The following MMP15 variants were observed in gnomAD, a reference collection of about 807,000 sequenced individuals.
MMP15 encodes matrix metallopeptidase 15.
MMP15 carries 36 observed loss-of-function variants against 65.0 expected under a neutral mutation model. The ratio of observed to expected loss-of-function variants is 0.55; its 90% confidence interval spans 0.42 to 0.73. The LOEUF (loss-of-function observed/expected upper bound fraction) is 0.73, where lower values mean the gene tolerates loss of function less well. Among genes scored for constraint, MMP15 ranks in the 30% least tolerant of loss-of-function variants. MMP15 has a pLI of 0.00. For missense variants in MMP15, 870 were observed against 987.8 expected (o/e 0.88, Z 1.60); for synonymous variants, 428 against 410.2 (o/e 1.04, Z -0.52).
rs760410670 is a variant in MMP15 at position 58,038,326 on chromosome 16, C to T, written c.372C>T (p.Asn124=). 5 of 1,614,090 alleles carry T rather than the reference C, an allele frequency of 3.1e-6. No individual in the cohort carries two copies. Among genetic ancestry groups the T allele is most frequent in the Admixed American group, 3.3e-5 (2 of 60,024 alleles). The part of the protein sequence containing the change: ...PDQFGVRVKA[N]LRRRRKRYAL... ...AGTTCGGGGTACGAGTGAAAGCCAACCTGCGGCGGCGTCGGAAGCGCTACG... is the reference window on the plus strand; with the variant it reads ...AGTTCGGGGTACGAGTGAAAGCCAATCTGCGGCGGCGTCGGAAGCGCTACG... Residue 124 remains asparagine (N), a synonymous_variant, in exon 3 of 10, where the codon AAC becomes AAT. Transcript: ENST00000219271.
chr16:58,044,325 T>C (rs1959511885), intron 9 of MMP15, among the ~76,000 whole-genome samples: 1 of 152,198 alleles, frequency 6.6e-6, no homozygotes, highest in Non-Finnish European at 1.5e-5. Flanking sequence ...CTTGCACCTA[T>C]AGTCCCAGTT....
At position 58,045,196 on chromosome 16, in the gene MMP15, C is replaced by A; in HGVS notation, c.1760C>A (p.Ala587Glu). 4.4e-6 allele frequency: 7 copies of A among 1,592,724 alleles called. No individual in the cohort carries two copies. Among genetic ancestry groups the A allele is most frequent in the Non-Finnish European group, 5.1e-6 (6 of 1,170,452 alleles). Residue 587 changes from alanine (A) to glutamate (E), a missense_variant, in exon 10 of 10, where the codon GCG becomes GAG. Coordinates refer to ENST00000219271, the MANE Select transcript of MMP15 (RefSeq NM_002428.4). ...FNPHGGAEPG[A>E]DSAEGDVGDG... ...CCCCACGGGGGTGCAGAGCCCGGGG[C>A]GGACAGCGCAGAGGGCGACGTGGGG... is the stretch of plus-strand genomic sequence containing the variant.
At chr16:58,044,764 A>G (rs983974730) in intron 9 of MMP15, among the ~76,000 whole-genome samples, 7 of 152,286 alleles carry the variant, frequency 4.6e-5, no homozygotes, top group African/African-American at 1.7e-4. Context: ...GGACCCTTCC[A>G]GGCCCTTCCC....
At chr16:58,042,451 G>A (rs1414424773) in intron 7 of MMP15, 82 bp downstream of exon 7, 9 of 1,556,738 alleles carry the variant, frequency 5.8e-6, no homozygotes, top group African/African-American at 2.7e-5. Flanking sequence ...AAGAGGAGGT[G>A]AAGGGTTGCA....
intron 6 of MMP15, 33 bp downstream of exon 6, chr16:58,041,903 C>A: frequency 1.3e-6 from 2 of 1,540,974 alleles, no homozygotes; most frequent in South Asian, 1.3e-5. Context: ...TGGCCCTGAG[C>A]CTTTTCCCTG....
chr16:58,034,556 C>T lies in MMP15; in HGVS notation c.163-2916C>T, dbSNP rs11864072. The stretch of plus-strand genomic sequence containing the variant: ...TCAGTCACCCTGAGCACACTTTCAC[C>T]GGTCAGGCACGCTCTGCCAGCTTCG... On this transcript the variant is annotated intron_variant, in intron 1 of 9. Transcript: ENST00000219271. 5.3e-3 allele frequency among the ~76,000 whole-genome samples: 812 copies of T among 152,300 alleles called. 11 individuals carry two copies. Among genetic ancestry groups the T allele is most frequent in the African/African-American group, 0.019 (773 of 41,576 alleles).
At chr16:58,040,763 G>T (rs1015763489) in intron 5 of MMP15, 65 bp downstream of exon 5, 1 of 1,604,336 alleles carries the variant, frequency 6.2e-7, no homozygotes, top group African/African-American at 1.3e-5. Context: ...TGAGGAGTAG[G>T]CATTGCTGCC....
Position 58,038,333 on chromosome 16 carries a change from C to G in MMP15, c.379C>G (p.Arg127Gly). Residue 127 changes from arginine to glycine, a missense_variant, in exon 3 of 10, where the codon CGG (arginine) becomes GGG (glycine). Transcript: ENST00000219271. ...GGTACGAGTGAAAGCCAACCTGCGG[C>G]GGCGTCGGAAGCGCTACGCCCTCAC... ...FGVRVKANLR[R>G]RRKRYALTGR... 6.2e-7 allele frequency: 1 copy of G among 1,614,052 alleles called. No individual in the cohort carries two copies. Among genetic ancestry groups the G allele is most frequent in the South Asian group, 1.1e-5 (1 of 91,086 alleles).
chr16:58,039,870 C>G lies in MMP15; in HGVS notation c.441-5C>G, dbSNP rs1959412123. Reference sequence around the variant, plus strand: ...TCCGCTCACTCATCTCCCACCCACCCCCAGCATCCAGAACTACACGGAGAA... The same window carrying G: ...TCCGCTCACTCATCTCCCACCCACCGCCAGCATCCAGAACTACACGGAGAA... On this transcript the variant is annotated splice_polypyrimidine_tract_variant and splice_region_variant and intron_variant, in intron 3 of 9. Transcript: ENST00000219271. 8.2e-6 allele frequency: 13 copies of G among 1,588,372 alleles called. No homozygotes were observed. Among genetic ancestry groups the G allele is most frequent in the South Asian group, 1.1e-5 (1 of 88,594 alleles).
In MMP15 at chr16:58,038,440, C is replaced by T. The variant is rs892961522; in HGVS notation, c.440+46C>T. On this transcript the variant is annotated intron_variant, in intron 3 of 9. Transcript: ENST00000219271. ...GGGAAGCATCTGCCCCTCGGCAGGCCGAGCCTCAGACCTCCTTTCCCAGAG... is the reference window on the plus strand; with the variant it reads ...GGGAAGCATCTGCCCCTCGGCAGGCTGAGCCTCAGACCTCCTTTCCCAGAG... 16 of 1,608,516 alleles carry T rather than the reference C, an allele frequency of 9.9e-6. No individual in the cohort carries two copies. In the Admixed American group the frequency reaches 1.2e-4, roughly 12 times the overall value.
In MMP15 at chr16:58,040,525, T is replaced by C. The variant is rs577203315; in HGVS notation, c.749-12T>C. On this transcript the variant is annotated splice_polypyrimidine_tract_variant and intron_variant, in intron 4 of 9. Transcript: ENST00000219271. ...ACAGCTGACTGTGCTGCCCTCCTTC[T>C]CTCCCCAAAAGGAAACAACCTCTTC... is the stretch of plus-strand genomic sequence containing the variant. The C allele has an allele frequency of 6.2e-7, 1 of 1,610,428 alleles. No homozygotes were observed. Among genetic ancestry groups the C allele is most frequent in the East Asian group, 2.2e-5 (1 of 44,854 alleles).
rs765698866 is a variant in MMP15 at position 58,043,300 on chromosome 16, G to A, written c.1394G>A (p.Arg465His). The A allele has an allele frequency of 6.9e-5, 111 of 1,604,692 alleles. 1 individual carries two copies. The highest frequency in any genetic ancestry group is 1.6e-4 in the South Asian group (14 of 89,650). ...TSYGLGIPYD[R>H]IDTAIWWEPT... ...TATGGCCTGGGCATCCCCTATGACCGCATTGACACGGCCATCTGGTGGGAG... is the reference window on the plus strand; with the variant it reads ...TATGGCCTGGGCATCCCCTATGACCACATTGACACGGCCATCTGGTGGGAG... Residue 465 changes from arginine to histidine, a missense_variant, in exon 8 of 10, where the codon CGC (arginine) becomes CAC (histidine). Arg to His is a conservative substitution (Grantham distance 29). Coordinates refer to ENST00000219271, the MANE Select transcript of MMP15 (RefSeq NM_002428.4).
Position 58,041,868 on chromosome 16 carries a change from A to G in MMP15, c.1162A>G (p.Lys388Glu), listed in dbSNP as rs761839947. ...GCTTCGCGGGGAGATGTTCGTGTTC[A>G]AGGTCTGGCCCCGCCTCCCATGCCT... ...AMLRGEMFVF[K>E]GRWFWRVRHN... Residue 388 changes from lysine to glutamate, a missense_variant and splice_region_variant, in exon 6 of 10, where the codon AAG becomes GAG. Physicochemically the swap from Lys to Glu is moderately conservative, Grantham distance 56. Transcript: ENST00000219271. The G allele has an allele frequency of 1.3e-6, 2 of 1,584,970 alleles. No individual in the cohort carries two copies. Among genetic ancestry groups the G allele is most frequent in the South Asian group, 1.2e-5 (1 of 84,954 alleles).
intron 1 of MMP15, among the ~76,000 whole-genome samples, chr16:58,031,271 G>A (rs41427044): frequency 2.7e-3 from 407 of 152,276 alleles, no homozygotes; most frequent in African/African-American, 9.3e-3. Context: ...AGAGCCTAGG[G>A]TGCCATCCTG....
intron 7 of MMP15, among the ~76,000 whole-genome samples, chr16:58,042,902 C>T (rs1018027173): frequency 6.6e-6 from 1 of 152,188 alleles, no homozygotes; most frequent in African/African-American, 2.4e-5. Context: ...CCCCCAGACC[C>T]AGAGGCCAGG....
intron 9 of MMP15, among the ~76,000 whole-genome samples, chr16:58,044,018 C>T (rs1959505036): frequency 6.6e-6 from 1 of 152,156 alleles, no homozygotes; most frequent in Non-Finnish European, 1.5e-5. Flanking sequence ...GCAGGCTTGG[C>T]TCAGAGTGTT....
chr16:58,027,888 G>A (rs1963845642), intron 1 of MMP15, among the ~76,000 whole-genome samples: 1 of 151,978 alleles, frequency 6.6e-6, no homozygotes, highest in African/African-American at 2.4e-5. Context: ...ACACAGGCAG[G>A]AGGAGCTTTA....
At chr16:58,031,567 A>G (rs1963889588) in intron 1 of MMP15, among the ~76,000 whole-genome samples, 2 of 151,950 alleles carry the variant, frequency 1.3e-5, no homozygotes, top group African/African-American at 2.4e-5. Flanking sequence ...TGGCCAGGGA[A>G]CCCGGTTGTT....
At chr16:58,031,959 CCAG>C (rs1204308527) in intron 1 of MMP15, among the ~76,000 whole-genome samples, 2 of 149,734 alleles carry the variant, frequency 1.3e-5, no homozygotes, top group Non-Finnish European at 3.0e-5. Context: ...CCTCCGCCTC[CCAG>C]GTTCAGGCAA....
Sources: allele counts gnomAD v4.1 joint callset (sites outside exome capture counted in the v4.1 genomes callset), GRCh38; gene constraint gnomAD v4.1.1; transcripts MANE v1.5; gene names NCBI Gene and HGNC (gene_info 2026-07-23, HGNC 2026-07-21).